The following NOVA1 variants were observed in gnomAD, a reference collection of about 807,000 sequenced individuals.
NOVA1 encodes the protein RNA-binding protein Nova-1.
NOVA1 carries 7 observed loss-of-function variants against 38.0 expected under a neutral mutation model. The observed-to-expected ratio is 0.18, with a 90% CI of 0.10 to 0.35. The LOEUF (loss-of-function observed/expected upper bound fraction) is 0.35. Ranked by LOEUF, NOVA1 falls within the 10% of genes least tolerant of loss-of-function variation. The pLI is 1.00. For synonymous variants in NOVA1, 270 were observed against 232.5 expected (o/e 1.16, Z -1.47); for missense variants, 460 against 616.0 (o/e 0.75, Z 2.68).
intron 2 of NOVA1, among the ~76,000 whole-genome samples, chr14:26,484,816 GC>G: frequency 6.6e-6 from 1 of 152,154 alleles, no homozygotes; most frequent in South Asian, 2.1e-4. Context: ...ACTTCACTTG[GC>G]TTTCAGAATG....
chr14:26,522,035 T>C (rs904431953), intron 2 of NOVA1, among the ~76,000 whole-genome samples: 4 of 152,122 alleles, frequency 2.6e-5, no homozygotes, highest in Non-Finnish European at 4.4e-5. Flanking sequence ...TTATGTATTT[T>C]ATTTTTGAAA....
intron 4 of NOVA1, among the ~76,000 whole-genome samples, chr14:26,467,423 T>C (rs1439357629): frequency 3.9e-5 from 6 of 152,176 alleles, no homozygotes; most frequent in Non-Finnish European, 4.4e-5. Context: ...GAAGTGGATT[T>C]AAGAATGGGA....
chr14:26,480,219 T>G, intron 2 of NOVA1, 76 bp from the exon 3 acceptor site: 7 of 1,292,088 alleles, frequency 5.4e-6, no homozygotes, highest in Non-Finnish European at 7.5e-6. Context: ...GATGATATCA[T>G]AACGCCAAAA....
At chr14:26,479,260 T>A (rs1292725754) in intron 3 of NOVA1, 1 of 152,012 alleles carries the variant, frequency 6.6e-6, no homozygotes, top group Non-Finnish European at 1.5e-5. Context: ...GTAAAAGAGT[T>A]TACGGTGGAA....
intron 2 of NOVA1, among the ~76,000 whole-genome samples, chr14:26,542,428 A>G (rs1890520227): frequency 6.6e-6 from 1 of 151,882 alleles, no homozygotes; most frequent in Non-Finnish European, 1.5e-5. Context: ...AGTAATAAAG[A>G]CTGCATTATT....
At chr14:26,533,405 A>T (rs1215175364) in intron 2 of NOVA1, among the ~76,000 whole-genome samples, 3 of 152,194 alleles carry the variant, frequency 2.0e-5, no homozygotes, top group African/African-American at 7.2e-5. Context: ...AATCTTTTAA[A>T]ATGTGAATAT....
At chr14:26,596,725 CT>C (rs1171611877) in intron 1 of NOVA1, 2 of 1,278,736 alleles carry the variant, frequency 1.6e-6, no homozygotes, top group Admixed American at 2.3e-5. Flanking sequence ...ATGCACCCCC[CT>C]GAAGACAAAT....
chr14:26,579,229 T>C (rs546959976), intron 2 of NOVA1, among the ~76,000 whole-genome samples: 1 of 152,064 alleles, frequency 6.6e-6, no homozygotes, highest in East Asian at 1.9e-4. Flanking sequence ...AGCCAATTTT[T>C]GTATTTTAAG....
At position 26,568,899 on chromosome 14, in the gene NOVA1, T is replaced by C. The variant is rs1344503961; in HGVS notation, c.280+26511A>G. The stretch of plus-strand genomic sequence containing the variant: ...CAGGAAAAAATTATCTGGGAATTCA[T>C]AACCCCAAGTTTGCCTTCAAGCAGA... On this transcript the variant is annotated intron_variant, in intron 2 of 4. Transcript: ENST00000539517. Among the ~76,000 whole-genome samples, 7 of 152,296 alleles carry C rather than the reference T, an allele frequency of 4.6e-5. No homozygotes were observed. The East Asian group carries it at 9.7e-4, about 21-fold the overall frequency.
chr14:26,554,351 GA>G (rs150712037), intron 2 of NOVA1, among the ~76,000 whole-genome samples: 3 of 148,730 alleles, frequency 2.0e-5, no homozygotes, highest in South Asian at 2.1e-4. Flanking sequence ...AGGTATATGA[GA>G]AAAAAAAACA....
chr14:26,585,685 C>G (rs1034540156), intron 2 of NOVA1, among the ~76,000 whole-genome samples: 1 of 151,080 alleles, frequency 6.6e-6, no homozygotes, highest in Non-Finnish European at 1.5e-5. Context: ...AATTCTTAAA[C>G]TCATATTGCT....
Position 26,597,396 on chromosome 14 carries a change from G to T in NOVA1, c.41C>A (p.Thr14Asn). 1 of 1,282,014 alleles carries T rather than the reference G, an allele frequency of 7.8e-7. No individual in the cohort carries two copies. Among genetic ancestry groups the T allele is most frequent in the African/African-American group, 1.5e-5 (1 of 66,334 alleles). The allele number at this position is 1,282,014 out of a possible 1,614,324, so 79.4% of individuals were successfully genotyped here. A position where few individuals can be genotyped will look rare whatever the true frequency, so the allele number is the denominator to read the frequency against. The change falls in exon 1 of 5, where the codon ACT becomes AAT. Residue 14 changes from threonine to asparagine, a missense_variant. Coordinates refer to ENST00000539517, the MANE Select transcript of NOVA1 (RefSeq NM_002515.3). ...AAPIQQNGTH[T>N]GVPIDLDPPD... ...CGGGTCCAGGTCTATGGGAACCCCA[G>T]TGTGGGTCCCGTTCTGCTGGATGGG...
intron 2 of NOVA1, among the ~76,000 whole-genome samples, chr14:26,512,940 T>A (rs1367084260): frequency 1.3e-5 from 2 of 151,992 alleles, no homozygotes; most frequent in African/African-American, 4.8e-5. Flanking sequence ...TTACCTGCAA[T>A]TAATTTTCAA....
At chr14:26,471,459 AG>A (rs544895336) in intron 4 of NOVA1, among the ~76,000 whole-genome samples, 111 of 151,898 alleles carry the variant, frequency 7.3e-4, no homozygotes, top group African/African-American at 2.1e-3. Context: ...TATTAAAAAA[AG>A]CAAAAATATT....
intron 4 of NOVA1, among the ~76,000 whole-genome samples, chr14:26,468,478 G>T (rs538867048): frequency 9.2e-5 from 14 of 152,278 alleles, no homozygotes; most frequent in African/African-American, 3.4e-4. Flanking sequence ...GTCATGCATG[G>T]GCTCTTGACC....
chr14:26,596,989 T>C, intron 1 of NOVA1: 1 of 1,241,558 alleles, frequency 8.1e-7, no homozygotes, highest in Non-Finnish European at 1.0e-6. Context: ...TGGACCTTCT[T>C]GCCCAGGTCT....
chr14:26,472,338 G>A lies in NOVA1; in HGVS notation c.501C>T (p.Thr167=). 3 of 1,595,808 alleles carry A rather than the reference G, an allele frequency of 1.9e-6. No individual in the cohort carries two copies. The highest frequency in any genetic ancestry group is 2.6e-6 in the Non-Finnish European group (3 of 1,167,732). The part of the protein sequence containing the change: ...TTKSSPSDPM[T]TSRANQVKII... ...ACTGTACCTGATTAGCTCTGGAGGT[G>A]GTCATGGGATCAGATGGAGAGGACT... The change falls in exon 4 of 5, where the codon ACC becomes ACT. Residue 167 remains threonine, a synonymous_variant. Coordinates refer to ENST00000539517, the MANE Select transcript of NOVA1 (RefSeq NM_002515.3).
chr14:26,589,356 T>C (rs896071482), intron 2 of NOVA1, among the ~76,000 whole-genome samples: 2 of 151,728 alleles, frequency 1.3e-5, no homozygotes, highest in South Asian at 2.1e-4. Flanking sequence ...TTCAAACAGA[T>C]TGAGAAATTA....
intron 2 of NOVA1, among the ~76,000 whole-genome samples, chr14:26,485,179 C>A (rs1410417847): frequency 6.6e-6 from 1 of 152,008 alleles, no homozygotes; most frequent in Non-Finnish European, 1.5e-5. Flanking sequence ...GCCTGGCACA[C>A]TACAGATACT....
Sources: gnomAD v4.1 joint callset for allele counts (sites outside exome capture counted in the v4.1 genomes callset) on GRCh38, gnomAD v4.1.1 for gene constraint, MANE v1.5 for transcripts, NCBI Gene and HGNC (gene_info 2026-07-23, HGNC 2026-07-21) for gene names.